POLB: variants seen among roughly 807,000 people sequenced by gnomAD.
The protein encoded by POLB is DNA polymerase beta, also known as 5'-dRP lyase.
In POLB, 37 loss-of-function variants were observed where a neutral mutation model predicts 52.7. The observed-to-expected ratio is 0.70, with a 90% CI of 0.54 to 0.92. The LOEUF is 0.92. Among genes scored for constraint, POLB ranks in the 40% least tolerant of loss-of-function variants. The pLI, the probability that POLB is intolerant of heterozygous loss-of-function variation, is 0.00. For synonymous variants in POLB, 138 were observed against 131.3 expected (o/e 1.05, Z -0.35); for missense variants, 313 against 400.8 (o/e 0.78, Z 1.87).
intron 11 of POLB, among the ~76,000 whole-genome samples, chr8:42,366,207 G>C (rs1824027539): frequency 6.6e-6 from 1 of 152,080 alleles, no homozygotes; most frequent in Non-Finnish European, 1.5e-5. Context: ...TGTTGGACTT[G>C]GGTTATCCCA....
chr8:42,357,565 A>T (rs1418284574), intron 9 of POLB, 173 bp downstream of exon 9: 2 of 490,288 alleles, frequency 4.1e-6, no homozygotes, highest in African/African-American at 4.0e-5. Context: ...ACTAGGGGAA[A>T]TTCATCCTGA....
chr8:42,369,237 C>T, intron 11 of POLB, 34 bp from the exon 12 acceptor site: 1 of 1,316,332 alleles, frequency 7.6e-7, no homozygotes. Flanking sequence ...AAGTTTAGAA[C>T]ATCTTTAAAC....
intron 2 of POLB, 167 bp downstream of exon 2, chr8:42,339,236 C>A: frequency 1.5e-6 from 1 of 648,374 alleles, no homozygotes. Flanking sequence ...GTGGGCAGTG[C>A]GTTATAGGAT....
At chr8:42,363,231 C>G (rs560357801) in intron 11 of POLB, among the ~76,000 whole-genome samples, 122 of 151,604 alleles carry the variant, frequency 8.0e-4, no homozygotes, top group Admixed American at 2.1e-3. Flanking sequence ...GTAAATAACA[C>G]GTGTCATCAG....
chr8:42,344,239 C>G (rs978901015), intron 2 of POLB, among the ~76,000 whole-genome samples: 1 of 149,574 alleles, frequency 6.7e-6, no homozygotes, highest in Admixed American at 6.7e-5. Flanking sequence ...GAGGCTGAGG[C>G]GGGTGGATCA....
chr8:42,360,749 T>TAAA (rs540293292), intron 9 of POLB, among the ~76,000 whole-genome samples: 1 of 142,696 alleles, frequency 7.0e-6, no homozygotes, highest in Non-Finnish European at 1.5e-5. Flanking sequence ...GTTTTCTTTT[T>TAAA]AAAAAAAAAA....
intron 13 of POLB, among the ~76,000 whole-genome samples, chr8:42,370,767 T>G (rs984081517): frequency 6.6e-6 from 1 of 152,182 alleles, no homozygotes; most frequent in Non-Finnish European, 1.5e-5. Flanking sequence ...TAAAATACAC[T>G]AACACTCACG....
intron 11 of POLB, among the ~76,000 whole-genome samples, chr8:42,367,696 A>G (rs1023780891): frequency 1.3e-5 from 2 of 152,210 alleles, no homozygotes; most frequent in Admixed American, 6.5e-5. Flanking sequence ...AGCTAATAGT[A>G]ATCAAACCTT....
intron 6 of POLB, 193 bp from the exon 7 acceptor site, chr8:42,355,323 C>A: frequency 2.2e-6 from 1 of 447,136 alleles, no homozygotes; most frequent in South Asian, 3.3e-5. Context: ...CAGGTGTGAG[C>A]CACCACGCCT....
At chr8:42,339,269 C>T in intron 2 of POLB, 200 bp downstream of exon 2, 2 of 589,062 alleles carry the variant, frequency 3.4e-6, no homozygotes, top group Non-Finnish European at 6.1e-6. Flanking sequence ...GTTCCCAATT[C>T]TGATTGCAGA....
Position 42,350,006 on chromosome 8 carries a change from G to T in POLB, c.262-1G>T. 1 of 1,596,294 alleles carries T rather than the reference G, an allele frequency of 6.3e-7. No homozygotes were observed. The highest frequency in any genetic ancestry group is 1.1e-5 in the South Asian group (1 of 90,510). On this transcript the variant is annotated splice_acceptor_variant, in intron 4 of 13. Coordinates refer to ENST00000265421, the MANE Select transcript of POLB (RefSeq NM_002690.3). LOFTEE classifies it high-confidence loss of function. ...TTGTTAGACTTTTTTTTTTCTTAAAGATTCGGCAGGATGATACGAGTTCAT... is the reference window on the plus strand; with the variant it reads ...TTGTTAGACTTTTTTTTTTCTTAAATATTCGGCAGGATGATACGAGTTCAT...
At chr8:42,364,310 C>A (rs1823910573) in intron 11 of POLB, among the ~76,000 whole-genome samples, 1 of 152,128 alleles carries the variant, frequency 6.6e-6, no homozygotes, top group Non-Finnish European at 1.5e-5. Flanking sequence ...CGAAACATGG[C>A]TCACTGCAGC....
At chr8:42,357,591 A>G (rs1482272699) in intron 9 of POLB, 199 bp downstream of exon 9, 1 of 460,948 alleles carries the variant, frequency 2.2e-6, no homozygotes, top group Non-Finnish European at 3.8e-6. Context: ...TTATAGGATG[A>G]TATTTTAATG....
At chr8:42,355,196 G>A (rs1449419496) in intron 6 of POLB, among the ~76,000 whole-genome samples, 2 of 151,888 alleles carry the variant, frequency 1.3e-5, no homozygotes, top group Admixed American at 6.6e-5. Context: ...ACACCACCAT[G>A]CCTCGCTAAT....
At chr8:42,348,425 A>G (rs1822765324) in intron 3 of POLB, among the ~76,000 whole-genome samples, 1 of 152,236 alleles carries the variant, frequency 6.6e-6, no homozygotes, top group South Asian at 2.1e-4. Context: ...TTAAATTGTC[A>G]TATGTGGCTA....
rs1430587801 is a variant in POLB, at chr8:42,357,230, TG to T, written c.477+8del. 2 of 1,538,850 alleles carry T rather than the reference TG, an allele frequency of 1.3e-6. No homozygotes were observed. The highest frequency in any genetic ancestry group is 2.7e-5 in the African/African-American group (2 of 73,392). Reference sequence around the variant, plus strand: ...AGAGATGTTACAAATGCAAGTAAGATGTGTCAAATTATATTCTTTGATTAGA... The same window carrying T: ...AGAGATGTTACAAATGCAAGTAAGATTGTCAAATTATATTCTTTGATTAGA... On this transcript the variant is annotated splice_region_variant and intron_variant, in intron 8 of 13. Coordinates refer to ENST00000265421, the MANE Select transcript of POLB (RefSeq NM_002690.3).
intron 6 of POLB, among the ~76,000 whole-genome samples, chr8:42,352,771 A>G: frequency 6.6e-6 from 1 of 152,180 alleles, no homozygotes; most frequent in African/African-American, 2.4e-5. Context: ...TAACTAACTC[A>G]GAGAAAACTA....
At chr8:42,345,641 T>C (rs2130787107) in intron 3 of POLB, among the ~76,000 whole-genome samples, 1 of 152,304 alleles carries the variant, frequency 6.6e-6, no homozygotes, top group Admixed American at 6.5e-5. Flanking sequence ...TGGTTGAATA[T>C]TCCTAACCCA....
At chr8:42,361,599 A>G (rs1283765329) in intron 10 of POLB, 2 of 490,214 alleles carry the variant, frequency 4.1e-6, no homozygotes, top group African/African-American at 3.9e-5. Context: ...AACATTGAAT[A>G]CAATAGTTTT....
Sources: gnomAD v4.1 joint callset for allele counts (sites outside exome capture counted in the v4.1 genomes callset) on GRCh38, gnomAD v4.1.1 for gene constraint, MANE v1.5 for transcripts, NCBI Gene and HGNC (gene_info 2026-07-23, HGNC 2026-07-21) for gene names.